PCDH9: variants seen among roughly 807,000 people sequenced by gnomAD.
The protein encoded by PCDH9 is protocadherin-9.
A neutral mutation model predicts 70.6 loss-of-function variants in PCDH9; 24 were observed. The observed-to-expected ratio is 0.34, with a 90% CI of 0.25 to 0.48. The LOEUF is 0.48. Ranked by LOEUF, PCDH9 falls within the 20% of genes least tolerant of loss-of-function variation. PCDH9 has a pLI of 0.99. For missense variants in PCDH9, 1,281 were observed against 1,503.6 expected, an observed-to-expected ratio of 0.85 and a Z score of 2.45; for synonymous variants, 562 against 558.5, an observed-to-expected ratio of 1.01 and a Z score of -0.09.
chr13:66,770,019 C>G (rs1399254240), intron 3 of PCDH9, among the ~76,000 whole-genome samples: 1 of 151,982 alleles, frequency 6.6e-6, no homozygotes, highest in African/African-American at 2.4e-5. Flanking sequence ...AAAAACAAAC[C>G]TCTATTGAGG....
Position 66,585,282 on chromosome 13 carries a change from T to C in PCDH9, c.3340+45928A>G, listed in dbSNP as rs181841708. 1.3e-3 allele frequency among the ~76,000 whole-genome samples: 203 copies of C among 152,290 alleles called. 1 individual carries two copies. The highest frequency in any genetic ancestry group is 4.7e-3 in the African/African-American group (194 of 41,570). ...TAAAAATAGAAAATTCTCTTTGTACTATATAAAGTTTTGATTATCTGTGAG... is the reference window on the plus strand; with the variant it reads ...TAAAAATAGAAAATTCTCTTTGTACCATATAAAGTTTTGATTATCTGTGAG... On this transcript the variant is annotated intron_variant, in intron 4 of 4. Coordinates refer to ENST00000377865, the MANE Select transcript of PCDH9 (RefSeq NM_203487.3).
chr13:67,146,742 T>G (rs927426020), intron 2 of PCDH9, among the ~76,000 whole-genome samples: 1 of 152,214 alleles, frequency 6.6e-6, no homozygotes, highest in African/African-American at 2.4e-5. Flanking sequence ...CTTTCAATGC[T>G]TGTGGATAAC....
Position 66,951,130 on chromosome 13 carries a change from T to C in PCDH9, c.3037-47525A>G, listed in dbSNP as rs937083041. 3.9e-5 allele frequency among the ~76,000 whole-genome samples: 6 copies of C among 152,304 alleles called. No individual in the cohort carries two copies. In the South Asian group the frequency reaches 6.2e-4, roughly 16 times the overall value. ...CCTCTAACACAGTGCCGCGTACAAA[T>C]AGATCATTAACAATTGCTTCATAAT... On this transcript the variant is annotated intron_variant, in intron 2 of 4. Coordinates refer to ENST00000377865, the MANE Select transcript of PCDH9 (RefSeq NM_203487.3).
chr13:66,582,277 G>A (rs1187357685), intron 4 of PCDH9, among the ~76,000 whole-genome samples: 1 of 152,004 alleles, frequency 6.6e-6, no homozygotes, highest in Non-Finnish European at 1.5e-5. Flanking sequence ...AAGGTAAAAT[G>A]TTGTTAAGTC....
chr13:66,853,331 A>T (rs2081345134), intron 3 of PCDH9, among the ~76,000 whole-genome samples: 1 of 151,956 alleles, frequency 6.6e-6, no homozygotes. Context: ...ACTCTCAGCT[A>T]CTTCACTCTT....
At chr13:66,431,743 T>C (rs1385417452) in intron 4 of PCDH9, among the ~76,000 whole-genome samples, 1 of 152,028 alleles carries the variant, frequency 6.6e-6, no homozygotes, top group Non-Finnish European at 1.5e-5. Context: ...AAGTGATTCA[T>C]TCAGAAGCAC....
chr13:66,948,496 A>AT (rs1316263432), intron 2 of PCDH9, among the ~76,000 whole-genome samples: 1 of 151,484 alleles, frequency 6.6e-6, no homozygotes, highest in Admixed American at 6.6e-5. Context: ...TTTCATGCTT[A>AT]TTTTTTTTCT....
At chr13:67,023,980 A>G (rs376491298) in intron 2 of PCDH9, among the ~76,000 whole-genome samples, 9 of 151,998 alleles carry the variant, frequency 5.9e-5, no homozygotes, top group African/African-American at 2.2e-4. Context: ...GGAAGAAAAA[A>G]AAAAGAAACA....
intron 3 of PCDH9, among the ~76,000 whole-genome samples, chr13:66,794,876 A>G (rs2080216021): frequency 6.6e-6 from 1 of 151,962 alleles, no homozygotes; most frequent in South Asian, 2.1e-4. Flanking sequence ...AGTATCTTTA[A>G]TAAATAAAGT....
intron 2 of PCDH9, among the ~76,000 whole-genome samples, chr13:67,019,232 C>G (rs986139440): frequency 7.3e-5 from 9 of 122,998 alleles, no homozygotes; most frequent in Non-Finnish European, 1.3e-4. Flanking sequence ...CTTGCTCTGT[C>G]GCCCAGGCTG....
chr13:66,575,928 G>A (rs2076808211), intron 4 of PCDH9, among the ~76,000 whole-genome samples: 1 of 151,940 alleles, frequency 6.6e-6, no homozygotes, highest in Non-Finnish European at 1.5e-5. Context: ...TACTAAATAT[G>A]TTAATTTTAT....
chr13:66,615,604 G>A (rs1403977236), intron 4 of PCDH9, among the ~76,000 whole-genome samples: 2 of 152,142 alleles, frequency 1.3e-5, no homozygotes, highest in Non-Finnish European at 2.9e-5. Flanking sequence ...TGATAACTTT[G>A]GAGATTGTGA....
intron 2 of PCDH9, among the ~76,000 whole-genome samples, chr13:66,984,316 A>G (rs1403261736): frequency 6.6e-6 from 1 of 152,172 alleles, no homozygotes; most frequent in Non-Finnish European, 1.5e-5. Context: ...TCAGATATTT[A>G]TGTACTGATG....
At chr13:66,728,392 T>C (rs2079032275) in intron 3 of PCDH9, among the ~76,000 whole-genome samples, 2 of 152,138 alleles carry the variant, frequency 1.3e-5, no homozygotes, top group South Asian at 2.1e-4. Context: ...ATGCTGAGAA[T>C]TTGCTGAAAT....
intron 2 of PCDH9, among the ~76,000 whole-genome samples, chr13:67,148,398 G>A (rs2087575712): frequency 6.6e-6 from 1 of 151,682 alleles, no homozygotes; most frequent in Admixed American, 6.6e-5. Context: ...GATGTACACT[G>A]GTTCCTCTCC....
chr13:67,116,302 A>T (rs2086772484), intron 2 of PCDH9, among the ~76,000 whole-genome samples: 1 of 152,156 alleles, frequency 6.6e-6, no homozygotes, highest in South Asian at 2.1e-4. Context: ...CCTATAAATT[A>T]CTTCAAATTA....
intron 2 of PCDH9, among the ~76,000 whole-genome samples, chr13:67,064,636 C>T (rs2085605600): frequency 1.3e-5 from 2 of 152,068 alleles, no homozygotes; most frequent in Non-Finnish European, 2.9e-5. Flanking sequence ...ATCAATTTTA[C>T]TTACAATAAT....
chr13:67,220,392 A>G lies in PCDH9; in HGVS notation c.3036+5013T>C, dbSNP rs73511409. 9.0e-3 allele frequency: 1,368 copies of G among 152,100 alleles called. 23 individuals carry two copies. Among genetic ancestry groups the G allele is most frequent in the African/African-American group, 0.032 (1,314 of 41,534 alleles). 9.4% of individuals were successfully genotyped at this position (152,100 alleles called of 1,614,324 possible). ...GGTTCAATATAAATCATAGTTAATT[A>G]TGAGAAAATTTGATTTTAGATTTGA... On this transcript the variant is annotated intron_variant, in intron 2 of 4. Coordinates refer to ENST00000377865, the MANE Select transcript of PCDH9 (RefSeq NM_203487.3).
At chr13:67,052,858 A>T (rs1012992422) in intron 2 of PCDH9, among the ~76,000 whole-genome samples, 2 of 152,170 alleles carry the variant, frequency 1.3e-5, no homozygotes, top group African/African-American at 2.4e-5. Context: ...CTACTAAGAT[A>T]AGCTACACAG....
Sources: gnomAD v4.1 joint callset for allele counts (sites outside exome capture counted in the v4.1 genomes callset) on GRCh38, gnomAD v4.1.1 for gene constraint, MANE v1.5 for transcripts, NCBI Gene and HGNC (gene_info 2026-07-23, HGNC 2026-07-21) for gene names.